The following MPDZ variants were observed in gnomAD, a reference collection of about 807,000 sequenced individuals.
MPDZ encodes multiple PDZ domain crumbs cell polarity complex component.
In MPDZ, 234 loss-of-function variants were observed where a neutral mutation model predicts 239.1. That is an observed-to-expected ratio of 0.98 (90% confidence interval 0.88 to 1.09). The LOEUF is 1.09. MPDZ is among the 50% of genes least tolerant of loss of function. MPDZ has a pLI of 0.00. For synonymous variants in MPDZ, 1,048 were observed against 881.3 expected, an observed-to-expected ratio of 1.19 and a Z score of -3.35; for missense variants, 3,175 against 2,510.0, an observed-to-expected ratio of 1.26 and a Z score of -5.66.
intron 28 of MPDZ, among the ~76,000 whole-genome samples, chr9:13,139,684 G>C (rs1483787914): frequency 6.6e-6 from 1 of 152,158 alleles, no homozygotes; most frequent in Non-Finnish European, 1.5e-5. Context: ...GTGGTGACTT[G>C]TTTGAGACAC....
At chr9:13,251,279 G>A (rs1410582782) in intron 1 of MPDZ, among the ~76,000 whole-genome samples, 1 of 151,946 alleles carries the variant, frequency 6.6e-6, no homozygotes, top group Non-Finnish European at 1.5e-5. Flanking sequence ...TTTTTCAAAA[G>A]TTCTCAAAAT....
chr9:13,128,351 T>C (rs1349238989), intron 32 of MPDZ, among the ~76,000 whole-genome samples: 2 of 152,208 alleles, frequency 1.3e-5, no homozygotes, highest in East Asian at 3.9e-4. Context: ...GCTGCCATTG[T>C]CCTAAGAAAA....
Position 13,216,771 on chromosome 9 carries a change from T to C in MPDZ, c.1290+3A>G. ...CAAAGCTATTGTTAAATGTGTAACT[T>C]ACTGCTATAATTTGGTCTCCAATTT... On this transcript the variant is annotated splice_donor_region_variant and intron_variant, in intron 10 of 46. Coordinates refer to ENST00000319217, the MANE Select transcript of MPDZ (RefSeq NM_001378778.1). 1 of 1,592,936 alleles carries C rather than the reference T, an allele frequency of 6.3e-7. No individual in the cohort carries two copies. Among genetic ancestry groups the C allele is most frequent in the Non-Finnish European group, 8.6e-7 (1 of 1,163,380 alleles).
intron 1 of MPDZ, among the ~76,000 whole-genome samples, chr9:13,255,991 T>C (rs1441339714): frequency 6.6e-6 from 1 of 152,226 alleles, no homozygotes; most frequent in Non-Finnish European, 1.5e-5. Context: ...TTTATCTACA[T>C]TAAAAATCTG....
chr9:13,191,821 T>C (rs1460498527), intron 15 of MPDZ, among the ~76,000 whole-genome samples: 2 of 152,194 alleles, frequency 1.3e-5, no homozygotes, highest in Non-Finnish European at 2.9e-5. Context: ...GTATATAGTA[T>C]GCATTAACAT....
chr9:13,152,846 C>T (rs1190369936), intron 24 of MPDZ, among the ~76,000 whole-genome samples: 1 of 152,046 alleles, frequency 6.6e-6, no homozygotes, highest in Non-Finnish European at 1.5e-5. Flanking sequence ...GCTGTAAGCG[C>T]TATGAGTATA....
chr9:13,156,531 T>A (rs1949838566), intron 24 of MPDZ, among the ~76,000 whole-genome samples: 1 of 152,080 alleles, frequency 6.6e-6, no homozygotes, highest in Admixed American at 6.6e-5. Context: ...AACCATCAGG[T>A]CTCCTGAGGC....
At chr9:13,191,992 C>G in intron 15 of MPDZ, 139 bp downstream of exon 15, 1 of 714,594 alleles carries the variant, frequency 1.4e-6, no homozygotes, top group Admixed American at 4.0e-5. Context: ...CCAGATTTGT[C>G]TGACTTTAAA....
chr9:13,116,974 A>AC (rs1419285119), intron 39 of MPDZ, among the ~76,000 whole-genome samples: 9 of 148,544 alleles, frequency 6.1e-5, no homozygotes, highest in South Asian at 4.3e-4. Context: ...ATGTTCTAAG[A>AC]CCCCCCGCCA....
In MPDZ at chr9:13,119,540, G is replaced by C. The variant is rs193128302; in HGVS notation, c.5341C>G (p.Arg1781Gly). 2.2e-5 allele frequency: 36 copies of C among 1,612,904 alleles called. No homozygotes were observed. Among genetic ancestry groups the C allele is most frequent in the African/African-American group, 2.7e-5 (2 of 74,892 alleles). The part of the protein sequence containing the change: ...QILMVNGEDV[R>G]NATQEAVAAL... ...GCAACCGCTTCTTGGGTGGCATTAC[G>C]AACGTCTTCCCCATTCACCATTAAT... Residue 1781 changes from arginine to glycine, a missense_variant, in exon 39 of 47, where the codon CGT (arginine) becomes GGT (glycine). Physicochemically the swap from Arg to Gly is moderately radical, Grantham distance 125 (BLOSUM62 -2). Coordinates refer to ENST00000319217, the MANE Select transcript of MPDZ (RefSeq NM_001378778.1).
At chr9:13,255,686 T>G (rs1969272312) in intron 1 of MPDZ, among the ~76,000 whole-genome samples, 1 of 152,222 alleles carries the variant, frequency 6.6e-6, no homozygotes. Flanking sequence ...AACCTTTTTC[T>G]GAGCAGTAGG....
chr9:13,215,951 T>TG (rs1182298455), intron 10 of MPDZ, among the ~76,000 whole-genome samples: 3 of 145,576 alleles, frequency 2.1e-5, no homozygotes, highest in African/African-American at 7.5e-5. Context: ...ATTTGTTTTT[T>TG]TTTTTTTTTT....
chr9:13,179,477 C>T (rs1481771630), intron 19 of MPDZ, among the ~76,000 whole-genome samples: 1 of 152,076 alleles, frequency 6.6e-6, no homozygotes, highest in East Asian at 1.9e-4. Flanking sequence ...AACACAGACA[C>T]ACAGAAAAGA....
chr9:13,236,180 T>A (rs1242670002), intron 3 of MPDZ, among the ~76,000 whole-genome samples: 7 of 142,442 alleles, frequency 4.9e-5, no homozygotes, highest in Non-Finnish European at 9.1e-5. Flanking sequence ...GTTTTGTGTG[T>A]GTGTGTTTCT....
intron 32 of MPDZ, among the ~76,000 whole-genome samples, chr9:13,127,976 G>C (rs1482087113): frequency 4.6e-5 from 7 of 151,992 alleles, no homozygotes; most frequent in African/African-American, 1.7e-4. Context: ...TACTTTATTG[G>C]TACAGTGGGT....
chr9:13,126,719 G>T lies in MPDZ; in HGVS notation c.4518C>A (p.Val1506=). Residue 1506 remains valine (V), a synonymous_variant, in exon 33 of 47, where the codon GTC becomes GTA. Coordinates refer to ENST00000319217, the MANE Select transcript of MPDZ (RefSeq NM_001378778.1). ...AISEEDTLSG[V]IIKSLTEHGV... is the part of the protein sequence containing the mutation. ...CATGCTCTGTTAAGCTCTTTATGATGACTCCACTGAGTGTATCTTCTTCGC... is the reference window on the plus strand; with the variant it reads ...CATGCTCTGTTAAGCTCTTTATGATTACTCCACTGAGTGTATCTTCTTCGC... 1.2e-6 allele frequency: 2 copies of T among 1,613,858 alleles called. No individual in the cohort carries two copies. Among genetic ancestry groups the T allele is most frequent in the Non-Finnish European group, 1.7e-6 (2 of 1,179,822 alleles).
rs759799394 is a variant in MPDZ, at chr9:13,193,179, G to T, written c.1791C>A (p.Asp597Glu). The change falls in exon 14 of 47, where the codon GAC becomes GAA. Residue 597 changes from aspartate to glutamate, a missense_variant. Physicochemically the swap from Asp to Glu is conservative, Grantham distance 45. Coordinates refer to ENST00000319217, the MANE Select transcript of MPDZ (RefSeq NM_001378778.1). The stretch of plus-strand genomic sequence containing the variant: ...CATAGCTCCTTACTTCCAATAGCTC[G>T]TCTCCACTGAAGAGCTTCCCGCTGT... The part of the protein sequence containing the change: ...VGHSGKLFSG[D>E]ELLEVNGITL... 1.3e-6 allele frequency: 2 copies of T among 1,576,218 alleles called. No homozygotes were observed. The highest frequency in any genetic ancestry group is 1.7e-6 in the Non-Finnish European group (2 of 1,158,950).
chr9:13,152,141 T>C (rs565339376), intron 24 of MPDZ, among the ~76,000 whole-genome samples: 3 of 152,234 alleles, frequency 2.0e-5, no homozygotes, highest in South Asian at 2.1e-4. Flanking sequence ...AGAACACTCC[T>C]GCACACACTA....
intron 26 of MPDZ, among the ~76,000 whole-genome samples, chr9:13,146,822 A>G (rs1948498517): frequency 6.6e-6 from 1 of 152,092 alleles, no homozygotes; most frequent in African/African-American, 2.4e-5. Context: ...TTTCATCTTC[A>G]GCATCAAGTC....
Sources: allele counts gnomAD v4.1 joint callset (sites outside exome capture counted in the v4.1 genomes callset), GRCh38; gene constraint gnomAD v4.1.1; transcripts MANE v1.5; gene names NCBI Gene and HGNC (gene_info 2026-07-23, HGNC 2026-07-21).